WWP2: variants seen among roughly 807,000 people sequenced by gnomAD.
WWP2 encodes the protein WW domain containing E3 ubiquitin protein ligase 2.
WWP2 carries 57 observed loss-of-function variants against 121.0 expected under a neutral mutation model. That is an observed-to-expected ratio of 0.47 (90% CI 0.38 to 0.59). The LOEUF (loss-of-function observed/expected upper bound fraction) is 0.59. Among genes scored for constraint, WWP2 ranks in the 20% least tolerant of loss-of-function variants. The pLI is 0.00. For synonymous variants in WWP2, 449 were observed against 441.3 expected, an observed-to-expected ratio of 1.02 and a Z score of -0.22; for missense variants, 962 against 1,158.9, an observed-to-expected ratio of 0.83 and a Z score of 2.47.
At chr16:69,922,077 CAAA>C (rs530518146) in intron 10 of WWP2, among the ~76,000 whole-genome samples, 8 of 96,576 alleles carry the variant, frequency 8.3e-5, no homozygotes, top group African/African-American at 1.7e-4. Flanking sequence ...GACTCCATCT[CAAA>C]AAAAAAAAAA....
chr16:69,926,371 G>A (rs1401527368), intron 11 of WWP2, among the ~76,000 whole-genome samples: 1 of 152,100 alleles, frequency 6.6e-6, no homozygotes, highest in Non-Finnish European at 1.5e-5. Flanking sequence ...AGCAGAAGAC[G>A]GTAAACGTTG....
At position 69,902,305 on chromosome 16, in the gene WWP2, C is replaced by T. The variant is rs958198012; in HGVS notation, c.915-6456C>T. On this transcript the variant is annotated intron_variant, in intron 8 of 23. Transcript: ENST00000359154. ...GATGGCAATTGTGAGTGGATTGGGA[C>T]GTAGGGTTGGAACATGGTTCATATA... is the stretch of plus-strand genomic sequence containing the variant. Among the ~76,000 whole-genome samples, 7 of 152,168 alleles carry T rather than the reference C, an allele frequency of 4.6e-5. No homozygotes were observed. In the East Asian group the frequency reaches 1.2e-3, roughly 25 times the overall value.
intron 2 of WWP2, among the ~76,000 whole-genome samples, chr16:69,792,702 T>C (rs2055939124): frequency 2.0e-5 from 3 of 152,160 alleles, no homozygotes; most frequent in Admixed American, 1.3e-4. Context: ...AGTATTCTTC[T>C]TTCTTTTGAG....
chr16:69,906,182 C>T (rs1018914225), intron 8 of WWP2, among the ~76,000 whole-genome samples: 2 of 151,932 alleles, frequency 1.3e-5, no homozygotes, highest in African/African-American at 4.8e-5. Flanking sequence ...ACGCCATTCT[C>T]CTCCCTCAGC....
intron 2 of WWP2, among the ~76,000 whole-genome samples, chr16:69,794,320 T>A (rs560002158): frequency 6.6e-6 from 1 of 152,232 alleles, no homozygotes; most frequent in African/African-American, 2.4e-5. Context: ...GAGCTCAGGC[T>A]TAAAGTTTGA....
At chr16:69,906,693 T>A (rs1313023465) in intron 8 of WWP2, among the ~76,000 whole-genome samples, 3 of 152,104 alleles carry the variant, frequency 2.0e-5, no homozygotes, top group African/African-American at 4.8e-5. Context: ...GAGACCAGCC[T>A]GGGCAAAGCA....
Position 69,778,173 on chromosome 16 carries a change from A to AATATAT in WWP2, c.-15-8808_-15-8803dup, listed in dbSNP as rs1199845166. Among the ~76,000 whole-genome samples, 11 of 118,010 alleles carry AATATAT rather than the reference A, an allele frequency of 9.3e-5. No individual in the cohort carries two copies. In the South Asian group the frequency reaches 1.3e-3, roughly 14 times the overall value. The allele number at this position is 118,010 out of a possible 152,430, so 77.4% of individuals were successfully genotyped here. ...TACATACACACTCATACTATAAATA[A>AATATAT]ATATATATATATATATATATTTTTT... On this transcript the variant is annotated intron_variant, in intron 1 of 23. Transcript: ENST00000359154.
At chr16:69,862,604 TG>T (rs2057442923) in intron 6 of WWP2, among the ~76,000 whole-genome samples, 3 of 151,668 alleles carry the variant, frequency 2.0e-5, no homozygotes, top group South Asian at 4.2e-4. Flanking sequence ...TGAATACCAG[TG>T]GGCCTGAATC....
chr16:69,937,223 CGAGA>C lies in WWP2; in HGVS notation c.2224_2227del (p.Glu742LysfsTer5). 1 of 1,613,530 alleles carries C rather than the reference CGAGA, an allele frequency of 6.2e-7. No homozygotes were observed. The highest frequency in any genetic ancestry group is 8.5e-7 in the Non-Finnish European group (1 of 1,179,928). ...CGCTGGAGTGGCTGCGCTACTTTGA[CGAGA>C]AAGAGCTGGAGGTGAGTGTCTGAGG... On this transcript the variant is annotated frameshift_variant, in exon 20 of 24. Transcript: ENST00000359154. LOFTEE classifies it high-confidence loss of function. This position sits in a 1 kb window ranked among gnomAD's most constrained non-coding sequence, Gnocchi z 6.6.
intron 2 of WWP2, among the ~76,000 whole-genome samples, chr16:69,790,200 C>G (rs896649706): frequency 1.3e-5 from 2 of 152,118 alleles, no homozygotes; most frequent in African/African-American, 4.8e-5. Context: ...TGAGCCGAGA[C>G]CACACCATTG....
chr16:69,930,634 G>C (rs2058697407), intron 13 of WWP2, among the ~76,000 whole-genome samples: 1 of 152,176 alleles, frequency 6.6e-6, no homozygotes, highest in African/African-American at 2.4e-5. Flanking sequence ...AGGAGTTTGA[G>C]GCTGCAGTGA....
At chr16:69,921,844 C>A (rs991816103) in intron 10 of WWP2, among the ~76,000 whole-genome samples, 9 of 152,164 alleles carry the variant, frequency 5.9e-5, no homozygotes, top group African/African-American at 2.2e-4. Context: ...GAGGCTGAGG[C>A]AGGCGGATCA....
intron 6 of WWP2, among the ~76,000 whole-genome samples, chr16:69,850,952 C>T (rs1235914538): frequency 6.6e-6 from 1 of 151,778 alleles, no homozygotes; most frequent in African/African-American, 2.4e-5. Flanking sequence ...GATGAGCCTG[C>T]ATTGACACAT....
intron 8 of WWP2, among the ~76,000 whole-genome samples, chr16:69,897,551 C>T (rs1235552380): frequency 3.3e-5 from 5 of 152,268 alleles, no homozygotes; most frequent in East Asian, 1.9e-4. Context: ...AACTGCTATA[C>T]GGTGTTCTGT....
At position 69,799,027 on chromosome 16, in the gene WWP2, C is replaced by G. The variant is rs2056107837; in HGVS notation, c.219-147C>G. On this transcript the variant is annotated intron_variant, in intron 3 of 23. Coordinates refer to ENST00000359154, the MANE Select transcript of WWP2 (RefSeq NM_001270454.2). This position sits in a 1 kb window ranked among gnomAD's most constrained non-coding sequence, Gnocchi z 4.5. ...ATTATTATCTAGAGGGTTACAGGGT[C>G]AGCTTTGAGAGGGGAAAGGATATAT... The G allele has an allele frequency of 2.9e-6, 4 of 1,373,606 alleles. No individual in the cohort carries two copies. Among genetic ancestry groups the G allele is most frequent in the Non-Finnish European group, 4.0e-6 (4 of 1,012,164 alleles). 85.1% of individuals were successfully genotyped at this position (1,373,606 alleles called of 1,614,324 possible). A position where few individuals can be genotyped will look rare whatever the true frequency, so the allele number is the denominator to read the frequency against.
intron 5 of WWP2, among the ~76,000 whole-genome samples, chr16:69,841,144 G>T (rs567470348): frequency 1.3e-5 from 2 of 152,340 alleles, no homozygotes; most frequent in East Asian, 3.9e-4. Flanking sequence ...ATGGCAGTGG[G>T]CCAAATTCAC....
chr16:69,844,663 A>G (rs2057037251), intron 6 of WWP2, among the ~76,000 whole-genome samples: 1 of 152,190 alleles, frequency 6.6e-6, no homozygotes, highest in South Asian at 2.1e-4. Context: ...CCAGGCTGCA[A>G]CAGGAAATCG....
intron 4 of WWP2, among the ~76,000 whole-genome samples, chr16:69,831,045 T>C (rs751248420): frequency 1.3e-5 from 2 of 152,184 alleles, no homozygotes; most frequent in Non-Finnish European, 2.9e-5. Flanking sequence ...CCTATGGGAT[T>C]GAGGGCAGAG....
Position 69,937,149 on chromosome 16 carries a change from G to A in WWP2, c.2149G>A (p.Val717Met), listed in dbSNP as rs747244483. The A allele has an allele frequency of 1.4e-5, 23 of 1,614,062 alleles. No individual in the cohort carries two copies. Among genetic ancestry groups the A allele is most frequent in the Non-Finnish European group, 1.9e-5 (22 of 1,180,004 alleles). Reference sequence around the variant, plus strand: ...GACTGACTGGCGTTTCACCCGAGGCGTGGAAGAGCAGACCAAAGCCTTCCT... The same window carrying A: ...GACTGACTGGCGTTTCACCCGAGGCATGGAAGAGCAGACCAAAGCCTTCCT... ...LLTDWRFTRG[V>M]EEQTKAFLDG... The change falls in exon 20 of 24, where the codon GTG becomes ATG. Residue 717 changes from valine (V) to methionine (M), a missense_variant. Around this residue, in one of 3 missense-constraint regions of WWP2, gnomAD observed 606 missense variants for 772.6 expected, o/e 0.78. Coordinates refer to ENST00000359154, the MANE Select transcript of WWP2 (RefSeq NM_001270454.2). This position sits in a 1 kb window ranked among gnomAD's most constrained non-coding sequence, Gnocchi z 6.6.
Sources: allele counts gnomAD v4.1 joint callset (sites outside exome capture counted in the v4.1 genomes callset), GRCh38; gene constraint gnomAD v4.1.1; regional missense constraint gnomAD v4.1.1; non-coding constraint Gnocchi (gnomAD v3.1); transcripts MANE v1.5; gene names NCBI Gene and HGNC (gene_info 2026-07-23, HGNC 2026-07-21).